The following AIG1 variants were observed in gnomAD, a reference collection of about 807,000 sequenced individuals.
AIG1 encodes androgen-induced gene 1 protein.
A neutral mutation model predicts 31.4 loss-of-function variants in AIG1; 23 were observed. The observed-to-expected ratio is 0.73, with a 90% CI of 0.53 to 1.04. The LOEUF is 1.04. Ranked by LOEUF, AIG1 falls within the 50% of genes least tolerant of loss-of-function variation. The probability of loss-of-function intolerance (pLI) is 0.00; values close to 1 mark genes in which losing one functional copy is unlikely to be tolerated. For missense variants in AIG1, 274 were observed against 295.0 expected (o/e 0.93, Z 0.52); for synonymous variants, 100 against 110.5 (o/e 0.90, Z 0.60).
At chr6:143,069,544 T>C (rs906889011) in intron 1 of AIG1, among the ~76,000 whole-genome samples, 2 of 152,212 alleles carry the variant, frequency 1.3e-5, no homozygotes, top group Admixed American at 6.5e-5. Flanking sequence ...TAGCACTATC[T>C]CATTGTGGTT....
chr6:143,107,644 G>A (rs1396184549), intron 1 of AIG1, among the ~76,000 whole-genome samples: 3 of 152,150 alleles, frequency 2.0e-5, no homozygotes, highest in African/African-American at 7.2e-5. Flanking sequence ...GGGAAGCAGA[G>A]GGAAAAGAGG....
At chr6:143,337,130 A>G (rs559199513) in intron 5 of AIG1, among the ~76,000 whole-genome samples, 3 of 152,290 alleles carry the variant, frequency 2.0e-5, no homozygotes, top group South Asian at 4.1e-4. Context: ...TCTACCCTCT[A>G]CAACCAAGGA....
At chr6:143,113,387 G>A (rs893272939) in intron 1 of AIG1, among the ~76,000 whole-genome samples, 3 of 151,794 alleles carry the variant, frequency 2.0e-5, no homozygotes, top group Admixed American at 6.6e-5. Context: ...GGCGGATCAC[G>A]AGGTCAGGAG....
intron 3 of AIG1, chr6:143,188,009 C>T (rs1031149922): frequency 1.8e-6 from 2 of 1,125,178 alleles, no homozygotes; most frequent in African/African-American, 3.2e-5. Flanking sequence ...AGAACTTTGG[C>T]ATACCACTTT....
chr6:143,071,701 G>GTTC (rs1432921433), intron 1 of AIG1, among the ~76,000 whole-genome samples: 9 of 151,074 alleles, frequency 6.0e-5, no homozygotes, highest in Non-Finnish European at 1.3e-4. Context: ...TGTTGTTGTT[G>GTTC]TTGTTCTTCT....
rs199553241 is a variant in AIG1, at chr6:143,165,192, A to T, written c.399+9A>T. 43 of 1,591,906 alleles carry T rather than the reference A, an allele frequency of 2.7e-5. No homozygotes were observed. Among genetic ancestry groups the T allele is most frequent in the Non-Finnish European group, 4.3e-6 (5 of 1,160,424 alleles). On this transcript the variant is annotated intron_variant, in intron 3 of 5. Transcript: ENST00000357847. ...GGCTGAATCACGGAATGGTGAGTGG[A>T]TTAAAACAAACGGCTTTCTTTTATT...
chr6:143,070,191 G>A (rs1057347620), intron 1 of AIG1, among the ~76,000 whole-genome samples: 2 of 152,104 alleles, frequency 1.3e-5, no homozygotes, highest in Non-Finnish European at 2.9e-5. Context: ...GAATAATCTT[G>A]TTAATATCTA....
rs1304083629 is a variant in AIG1, at chr6:143,297,703, C to T, written c.515+13478C>T. Among the ~76,000 whole-genome samples the T allele has an allele frequency of 6.6e-6, 1 of 152,182 alleles. No homozygotes were observed. Among genetic ancestry groups the T allele is most frequent in the African/African-American group, 2.4e-5 (1 of 41,450 alleles). The stretch of plus-strand genomic sequence containing the variant: ...TCATACTCTCTGATGCTCTAGCCCT[C>T]CTGGCAAGCTTTCATACACTGCCTC... On this transcript the variant is annotated intron_variant, in intron 4 of 5. Coordinates refer to ENST00000357847, the MANE Select transcript of AIG1 (RefSeq NM_016108.4). This position sits in a 1 kb window ranked among gnomAD's most constrained non-coding sequence, Gnocchi z 5.1.
At chr6:143,162,291 A>G (rs995004485) in intron 2 of AIG1, among the ~76,000 whole-genome samples, 3 of 152,242 alleles carry the variant, frequency 2.0e-5, no homozygotes, top group Non-Finnish European at 4.4e-5. Flanking sequence ...AGGGGATACA[A>G]ATGATCTTCA....
At chr6:143,221,548 C>A (rs1792514765) in intron 3 of AIG1, among the ~76,000 whole-genome samples, 1 of 152,072 alleles carries the variant, frequency 6.6e-6, no homozygotes, top group Non-Finnish European at 1.5e-5. Context: ...GATACAGCAG[C>A]TAATATTTAG....
chr6:143,061,275 C>T, intron 1 of AIG1: 1 of 701,550 alleles, frequency 1.4e-6, no homozygotes, highest in Non-Finnish European at 2.6e-6. Flanking sequence ...TCACCGTTAC[C>T]TGGTAGCTGG....
chr6:143,270,793 ATG>A (rs1280965482), intron 3 of AIG1, among the ~76,000 whole-genome samples: 4 of 152,292 alleles, frequency 2.6e-5, no homozygotes, highest in South Asian at 4.1e-4. Flanking sequence ...GTATGTTAAT[ATG>A]TGTGTGTGCA....
At chr6:143,304,724 A>G (rs9484721) in intron 4 of AIG1, among the ~76,000 whole-genome samples, 48,432 of 148,566 alleles carry the variant, frequency 0.33, 9,980 homozygotes, top group African/African-American at 0.59. Context: ...TTGGTATCAG[A>G]ATGATGCTGG....
chr6:143,081,516 C>T (rs1288694087), intron 1 of AIG1, among the ~76,000 whole-genome samples: 1 of 151,408 alleles, frequency 6.6e-6, no homozygotes, highest in Non-Finnish European at 1.5e-5. Flanking sequence ...AGTTGCTAGT[C>T]TTCTCCTGGG....
chr6:143,197,286 A>T (rs1790324503), intron 3 of AIG1, among the ~76,000 whole-genome samples: 1 of 152,002 alleles, frequency 6.6e-6, no homozygotes, highest in African/African-American at 2.4e-5. Flanking sequence ...ATTTTTACTT[A>T]CTAAAGTCAC....
intron 3 of AIG1, chr6:143,188,367 G>A (rs957481455): frequency 2.0e-6 from 2 of 985,376 alleles, no homozygotes; most frequent in South Asian, 4.7e-5. Context: ...GCATAATGTC[G>A]CCTGATTGCA....
chr6:143,257,108 C>T (rs1416578641), intron 3 of AIG1, among the ~76,000 whole-genome samples: 1 of 152,186 alleles, frequency 6.6e-6, no homozygotes, highest in Admixed American at 6.5e-5. Flanking sequence ...CGTCAAAGCT[C>T]CCATGTCATT....
At chr6:143,190,275 T>G (rs1789668910) in intron 3 of AIG1, 2 of 985,286 alleles carry the variant, frequency 2.0e-6, no homozygotes, top group South Asian at 9.4e-5. Flanking sequence ...GGATCACAGA[T>G]TGTAGGAGTC....
At chr6:143,211,664 G>A (rs1458447314) in intron 3 of AIG1, among the ~76,000 whole-genome samples, 1 of 152,126 alleles carries the variant, frequency 6.6e-6, no homozygotes, top group East Asian at 1.9e-4. Flanking sequence ...AGGCTGAGAC[G>A]GATGGATCAC....
Sources: gnomAD v4.1 joint callset for allele counts (sites outside exome capture counted in the v4.1 genomes callset) on GRCh38, gnomAD v4.1.1 for gene constraint, Gnocchi (gnomAD v3.1) non-coding constraint, MANE v1.5 for transcripts, NCBI Gene and HGNC (gene_info 2026-07-23, HGNC 2026-07-21) for gene names.